The following CCDC33 variants were observed in gnomAD, a reference collection of about 807,000 sequenced individuals.
The protein encoded by CCDC33 is coiled-coil domain-containing protein 33.
In CCDC33, 94 loss-of-function variants were observed where a neutral mutation model predicts 91.9. The ratio of observed to expected loss-of-function variants is 1.02; its 90% confidence interval spans 0.87 to 1.21. The LOEUF (loss-of-function observed/expected upper bound fraction) is 1.21. Among genes scored for constraint, CCDC33 ranks in the 50% most tolerant of loss-of-function variants. CCDC33 has a pLI of 0.00. For synonymous variants in CCDC33, 396 were observed against 374.5 expected, an observed-to-expected ratio of 1.06 and a Z score of -0.66; for missense variants, 940 against 935.5, an observed-to-expected ratio of 1.00 and a Z score of -0.06.
rs552628927 is a variant in CCDC33, at chr15:74,279,566, C to T, written c.760-397C>T. Among the ~76,000 whole-genome samples, 20 of 152,190 alleles carry T rather than the reference C, an allele frequency of 1.3e-4. No homozygotes were observed. The South Asian group carries it at 1.9e-3, about 14-fold the overall frequency. On this transcript the variant is annotated intron_variant, in intron 7 of 18. Transcript: ENST00000398814. ...TTTTATTTATTTAGAGACGGAGTTT[C>T]GCTCTGTCACCCAGGCTGGAGTACA...
intron 2 of CCDC33, among the ~76,000 whole-genome samples, chr15:74,223,872 C>G (rs1395985264): frequency 1.4e-5 from 2 of 147,156 alleles, no homozygotes; most frequent in Admixed American, 1.4e-4. Context: ...TTTGGAAGAG[C>G]CTTTTCCTTG....
chr15:74,203,740 G>C (rs2074183245), intron 1 of CCDC33, among the ~76,000 whole-genome samples: 2 of 152,342 alleles, frequency 1.3e-5, no homozygotes, highest in Middle Eastern at 6.8e-3. Context: ...CAAAGTCTGA[G>C]GGTTACAAAG....
chr15:74,238,461 G>C (rs2075249586), intron 1 of CCDC33, among the ~76,000 whole-genome samples: 1 of 150,532 alleles, frequency 6.6e-6, no homozygotes, highest in African/African-American at 2.4e-5. Flanking sequence ...ACATATTTGT[G>C]TTTCTTCTTT....
intron 15 of CCDC33, among the ~76,000 whole-genome samples, chr15:74,332,208 T>G (rs983256765): frequency 6.6e-6 from 1 of 152,114 alleles, no homozygotes; most frequent in African/African-American, 2.4e-5. Flanking sequence ...CCAGGGCCCC[T>G]GTGTGCCCAG....
chr15:74,213,206 ACT>A (rs1429274715), upstream of CCDC33: 2 of 125,714 alleles, frequency 1.6e-5, no homozygotes, highest in East Asian at 4.6e-4. Flanking sequence ...AGAGAGCGAG[ACT>A]CTGTCTCTAA....
chr15:74,271,389 C>T (rs2076312059), intron 5 of CCDC33, among the ~76,000 whole-genome samples: 1 of 152,158 alleles, frequency 6.6e-6, no homozygotes, highest in Non-Finnish European at 1.5e-5. Flanking sequence ...AGAACACAAC[C>T]TCCCTTCCCA....
chr15:74,215,219 T>C (rs1272452868), upstream of CCDC33, among the ~76,000 whole-genome samples: 5 of 152,316 alleles, frequency 3.3e-5, no homozygotes, highest in East Asian at 9.7e-4. Context: ...AGGGCAGACC[T>C]GGCCTGGAGC....
intron 11 of CCDC33, among the ~76,000 whole-genome samples, chr15:74,313,917 T>C (rs927339907): frequency 2.6e-5 from 4 of 152,158 alleles, no homozygotes; most frequent in Non-Finnish European, 2.9e-5. Flanking sequence ...CAAGGTCCCA[T>C]GACTGAACCC....
chr15:74,332,834 C>A lies in CCDC33; in HGVS notation c.1927C>A (p.Gln643Lys), dbSNP rs200735867. The A allele has an allele frequency of 1.7e-4, 269 of 1,613,822 alleles. No individual in the cohort carries two copies. The highest frequency in any genetic ancestry group is 1.1e-4 in the Non-Finnish European group (126 of 1,179,888). Residue 643 changes from glutamine (Q) to lysine (K), a missense_variant, in exon 16 of 19, where the codon CAG becomes AAG. Physicochemically the swap from Gln to Lys is moderately conservative, Grantham distance 53. Transcript: ENST00000398814. Reference sequence around the variant, plus strand: ...GCAGGCCCCCATCATTCTGCAGCAACAGGCCCTGCCGGTAAGAGGCCCTTG... The same window carrying A: ...GCAGGCCCCCATCATTCTGCAGCAAAAGGCCCTGCCGGTAAGAGGCCCTTG... ...HQQAPIILQQ[Q>K]ALPDLLSGTS...
At position 74,318,451 on chromosome 15, in the gene CCDC33, C is replaced by A. The variant is rs753391557; in HGVS notation, c.1291-11738C>A. ...TCAGCCACCCCACCCAGACACCCCC[C>A]ACCCTGGAACAAAGGGGAAGTGGCC... On this transcript the variant is annotated intron_variant, in intron 11 of 18. Transcript: ENST00000398814. 166 of 552,504 alleles carry A rather than the reference C, an allele frequency of 3.0e-4. 1 individual carries two copies. Among genetic ancestry groups the A allele is most frequent in the East Asian group, 6.2e-4 (18 of 29,190 alleles). The allele number at this position is 552,504 out of a possible 1,614,324, so 34.2% of individuals were successfully genotyped here. A position where few individuals can be genotyped will look rare whatever the true frequency, so the allele number is the denominator to read the frequency against.
At chr15:74,261,693 C>T (rs76038885) in intron 2 of CCDC33, among the ~76,000 whole-genome samples, 3,204 of 152,256 alleles carry the variant, frequency 0.021, 107 homozygotes, top group African/African-American at 0.073. Context: ...AGCCGTTTGA[C>T]GGCTCTGGAT....
At chr15:74,220,776 G>A (rs1044214244) in intron 2 of CCDC33, among the ~76,000 whole-genome samples, 5 of 152,200 alleles carry the variant, frequency 3.3e-5, no homozygotes, top group African/African-American at 1.2e-4. Flanking sequence ...GGGAGAGTGG[G>A]GGGAGAGTCA....
chr15:74,280,152 A>G, intron 8 of CCDC33, 60 bp downstream of exon 8: 1 of 1,596,340 alleles, frequency 6.3e-7, no homozygotes, highest in Non-Finnish European at 8.5e-7. Flanking sequence ...GTATTATGAA[A>G]GGGTGTTCAG....
At chr15:74,304,995 G>C (rs2059867710) in intron 11 of CCDC33, among the ~76,000 whole-genome samples, 1 of 151,666 alleles carries the variant, frequency 6.6e-6, no homozygotes. Flanking sequence ...CCAGGAGGGA[G>C]TAGTGCAATG....
intron 16 of CCDC33, 185 bp downstream of exon 16, chr15:74,333,030 G>A (rs986096485): frequency 9.1e-6 from 7 of 769,008 alleles, no homozygotes; most frequent in African/African-American, 3.5e-5. Flanking sequence ...GTGTGTCCCC[G>A]AACACTTCAC....
At chr15:74,265,030 G>A (rs1224314642) in intron 3 of CCDC33, among the ~76,000 whole-genome samples, 2 of 152,176 alleles carry the variant, frequency 1.3e-5, no homozygotes, top group African/African-American at 2.4e-5. Context: ...GATCCCATAT[G>A]ACAAGCTCTT....
chr15:74,322,751 GA>G (rs2060231945), intron 11 of CCDC33, among the ~76,000 whole-genome samples: 1 of 152,216 alleles, frequency 6.6e-6, no homozygotes, highest in South Asian at 2.1e-4. Context: ...GTGTCTGTGG[GA>G]GGCGGCTGCC....
intron 10 of CCDC33, among the ~76,000 whole-genome samples, chr15:74,285,545 C>T (rs1293507562): frequency 6.6e-6 from 1 of 152,038 alleles, no homozygotes; most frequent in African/African-American, 2.4e-5. Context: ...CTCCCTCTGC[C>T]CCAAGCTCCT....
At position 74,299,346 on chromosome 15, in the gene CCDC33, A is replaced by G. The variant is rs569096345; in HGVS notation, c.1290+3398A>G. Among the ~76,000 whole-genome samples, 174 of 152,300 alleles carry G rather than the reference A, an allele frequency of 1.1e-3. 2 individuals are homozygous for G. The highest frequency in any genetic ancestry group is 4.1e-3 in the African/African-American group (172 of 41,562). On this transcript the variant is annotated intron_variant, in intron 11 of 18. Transcript: ENST00000398814. ...ATCGGGTTAGGGCCACTCAGCCACCACCATCCAGTCCTTGAACTAAAGAAC... is the reference window on the plus strand; with the variant it reads ...ATCGGGTTAGGGCCACTCAGCCACCGCCATCCAGTCCTTGAACTAAAGAAC...
Sources: gnomAD v4.1 joint callset for allele counts (sites outside exome capture counted in the v4.1 genomes callset) on GRCh38, gnomAD v4.1.1 for gene constraint, MANE v1.5 for transcripts, NCBI Gene and HGNC (gene_info 2026-07-23, HGNC 2026-07-21) for gene names.